Variants in DIAPH3 observed in about 807,000 individuals in gnomAD.
DIAPH3 encodes diaphanous related formin 3.
In DIAPH3, 117 loss-of-function variants were observed where a neutral mutation model predicts 144.3. That is an observed-to-expected ratio of 0.81 (90% CI 0.70 to 0.95). The LOEUF (loss-of-function observed/expected upper bound fraction) is 0.95, where lower values mean the gene tolerates loss of function less well. Among genes scored for constraint, DIAPH3 ranks in the 40% least tolerant of loss-of-function variants. The pLI is 0.00. For synonymous variants in DIAPH3, 519 were observed against 488.9 expected, an observed-to-expected ratio of 1.06 and a Z score of -0.81; for missense variants, 1,421 against 1,412.7, an observed-to-expected ratio of 1.01 and a Z score of -0.09.
chr13:60,052,061 G>A (rs2056371791), intron 4 of DIAPH3, among the ~76,000 whole-genome samples: 1 of 152,170 alleles, frequency 6.6e-6, no homozygotes, highest in Non-Finnish European at 1.5e-5. Context: ...ATGCAGAGGA[G>A]GGGGCAATTT....
chr13:60,021,603 A>G (rs865564), intron 5 of DIAPH3, among the ~76,000 whole-genome samples: 113,170 of 150,036 alleles, frequency 0.75, 42,844 homozygotes, highest in Admixed American at 0.81. Context: ...TCTTGCCCAG[A>G]CAACAAGTGC....
intron 23 of DIAPH3, 32 bp from the exon 24 acceptor site, chr13:59,833,303 C>T (rs1486974421): frequency 6.4e-7 from 1 of 1,557,606 alleles, no homozygotes; most frequent in African/African-American, 1.4e-5. Flanking sequence ...CTGAAATTTA[C>T]AAAGTAATGC....
At chr13:60,093,833 C>A in intron 3 of DIAPH3, 101 bp from the exon 4 acceptor site, 1 of 794,768 alleles carries the variant, frequency 1.3e-6, no homozygotes. Context: ...ACTAAAGCAG[C>A]ATTAATTGTT....
intron 17 of DIAPH3, among the ~76,000 whole-genome samples, chr13:59,935,442 C>T (rs938840099): frequency 2.6e-5 from 4 of 151,898 alleles, no homozygotes; most frequent in East Asian, 1.9e-4. Flanking sequence ...AATAGGCAAA[C>T]GACTGAGAAA....
At chr13:59,940,364 A>G (rs2048468459) in intron 17 of DIAPH3, among the ~76,000 whole-genome samples, 1 of 152,174 alleles carries the variant, frequency 6.6e-6, no homozygotes, top group South Asian at 2.1e-4. Context: ...ATTAAAAACT[A>G]TCTTTAAATG....
chr13:59,815,635 G>A (rs2040727809), intron 24 of DIAPH3, among the ~76,000 whole-genome samples: 1 of 151,988 alleles, frequency 6.6e-6, no homozygotes, highest in African/African-American at 2.4e-5. Context: ...TTTACTTTTT[G>A]TAGAGATGGG....
chr13:60,105,979 A>G (rs2058407839), intron 3 of DIAPH3, among the ~76,000 whole-genome samples: 1 of 152,190 alleles, frequency 6.6e-6, no homozygotes, highest in African/African-American at 2.4e-5. Context: ...ATAAATCTTT[A>G]ACACCAAGAA....
chr13:59,871,293 C>G lies in DIAPH3; in HGVS notation c.2607+7936G>C, dbSNP rs189093197. ...CCCAATCTTTATAGCTTTTATTTTT[C>G]TTGTCTTACTGTACTAGCCAGGACT... On this transcript the variant is annotated intron_variant, in intron 21 of 27. Transcript: ENST00000400324. 1.1e-4 allele frequency among the ~76,000 whole-genome samples: 16 copies of G among 150,606 alleles called. No individual in the cohort carries two copies. The East Asian group carries it at 2.9e-3, about 28-fold the overall frequency.
chr13:59,950,235 T>C (rs1391674940), intron 17 of DIAPH3, among the ~76,000 whole-genome samples: 4 of 152,176 alleles, frequency 2.6e-5, no homozygotes, highest in Non-Finnish European at 5.9e-5. Flanking sequence ...AGGTTCATCT[T>C]CCAGTGACAT....
In DIAPH3 at chr13:60,042,747, T is replaced by C. The variant is rs376891394; in HGVS notation, c.569A>G (p.Glu190Gly). The change falls in exon 5 of 28, where the codon GAG becomes GGG. Residue 190 changes from glutamate to glycine, a missense_variant. Physicochemically the swap from Glu to Gly is moderately conservative, Grantham distance 98. Transcript: ENST00000400324. ...AGACTCCAGGCATGTGACAAGTCTCTCATCTGCAGACCCCATTTTCAGCTC... is the reference window on the plus strand; with the variant it reads ...AGACTCCAGGCATGTGACAAGTCTCCCATCTGCAGACCCCATTTTCAGCTC... Reference protein sequence around the residue: ...IHELKMGSADERLVTCLESLR... With the variant: ...IHELKMGSADGRLVTCLESLR... 1.1e-5 allele frequency: 17 copies of C among 1,613,632 alleles called. No homozygotes were observed. The highest frequency in any genetic ancestry group is 1.7e-5 in the Admixed American group (1 of 59,970).
intron 4 of DIAPH3, among the ~76,000 whole-genome samples, chr13:60,043,368 A>G (rs2055829379): frequency 6.6e-6 from 1 of 152,200 alleles, no homozygotes; most frequent in African/African-American, 2.4e-5. Context: ...ACTCAAAGAA[A>G]GAACATCTAA....
chr13:59,691,418 T>C (rs1199336606), intron 27 of DIAPH3, among the ~76,000 whole-genome samples: 2 of 152,306 alleles, frequency 1.3e-5, no homozygotes, highest in Non-Finnish European at 2.9e-5. Context: ...CTTACTGATA[T>C]CTAGGTGTTT....
intron 9 of DIAPH3, among the ~76,000 whole-genome samples, chr13:60,001,382 C>A (rs1191553100): frequency 6.6e-6 from 1 of 152,234 alleles, no homozygotes; most frequent in Non-Finnish European, 1.5e-5. Flanking sequence ...ACTCCCATAA[C>A]TGTAGCTCAG....
intron 4 of DIAPH3, among the ~76,000 whole-genome samples, chr13:60,060,512 T>C (rs1307606706): frequency 1.3e-5 from 2 of 152,106 alleles, no homozygotes; most frequent in African/African-American, 4.8e-5. Context: ...TACTCACCCA[T>C]AGTTTGCAGG....
intron 27 of DIAPH3, among the ~76,000 whole-genome samples, chr13:59,722,212 G>C (rs10507637): frequency 6.6e-6 from 1 of 152,118 alleles, no homozygotes; most frequent in African/African-American, 2.4e-5. Flanking sequence ...AACCTACAGA[G>C]GTCCTTAGGA....
At chr13:59,708,453 C>A (rs533558328) in intron 27 of DIAPH3, among the ~76,000 whole-genome samples, 1 of 152,270 alleles carries the variant, frequency 6.6e-6, no homozygotes, top group East Asian at 1.9e-4. Context: ...ACAGTAGCCT[C>A]CACATTACCA....
At chr13:60,013,751 G>A (rs1175008331) in intron 7 of DIAPH3, among the ~76,000 whole-genome samples, 1 of 152,014 alleles carries the variant, frequency 6.6e-6, no homozygotes, top group Non-Finnish European at 1.5e-5. Context: ...AATAAAGACT[G>A]TATAAGTGAG....
chr13:59,741,452 T>C (rs1161347668), intron 27 of DIAPH3, among the ~76,000 whole-genome samples: 1 of 152,116 alleles, frequency 6.6e-6, no homozygotes, highest in Non-Finnish European at 1.5e-5. Context: ...ACTGTAAGTA[T>C]TGCTAGCAGT....
chr13:59,990,137 T>C (rs1281189971), intron 12 of DIAPH3, among the ~76,000 whole-genome samples: 2 of 151,860 alleles, frequency 1.3e-5, no homozygotes, highest in Non-Finnish European at 2.9e-5. Flanking sequence ...AGGAGCAAAT[T>C]AAAAAAATCA....
Sources: allele counts gnomAD v4.1 joint callset (sites outside exome capture counted in the v4.1 genomes callset), GRCh38; gene constraint gnomAD v4.1.1; transcripts MANE v1.5; gene names NCBI Gene and HGNC (gene_info 2026-07-23, HGNC 2026-07-21).